Variants in CACNA1I observed in about 807,000 individuals in gnomAD.
CACNA1I encodes the protein voltage-dependent T-type calcium channel subunit alpha-1I.
In CACNA1I, 74 loss-of-function variants were observed where a neutral mutation model predicts 201.6. The ratio of observed to expected loss-of-function variants is 0.37; its 90% CI spans 0.30 to 0.45. CACNA1I has a LOEUF of 0.45. Ranked by LOEUF, CACNA1I falls within the 20% of genes least tolerant of loss-of-function variation. The pLI is 1.00. For synonymous variants in CACNA1I, 1,431 were observed against 1,345.2 expected (o/e 1.06, Z -1.40); for missense variants, 2,346 against 3,138.1 (o/e 0.75, Z 6.03).
chr22:39,603,519 C>T lies in CACNA1I; in HGVS notation c.482+2866C>T, dbSNP rs548327161. On this transcript the variant is annotated intron_variant, in intron 3 of 36. Transcript: ENST00000402142. ...TGTGCCTGTTCTTGTTTTATGGATGCCTGCTCTTGTTTTATGGATGCCTGC... is the reference window on the plus strand; with the variant it reads ...TGTGCCTGTTCTTGTTTTATGGATGTCTGCTCTTGTTTTATGGATGCCTGC... 1.6e-4 allele frequency among the ~76,000 whole-genome samples: 25 copies of T among 151,800 alleles called. 1 individual carries two copies. The highest frequency in any genetic ancestry group is 3.4e-3 in the Middle Eastern group (1 of 294).
intron 4 of CACNA1I, 68 bp downstream of exon 4, chr22:39,619,475 A>C: frequency 8.1e-7 from 1 of 1,241,988 alleles, no homozygotes. Context: ...TCCCTGGCCT[A>C]CCTAGCCAAT....
At chr22:39,669,118 T>C (rs544238868) in intron 24 of CACNA1I, among the ~76,000 whole-genome samples, 83 of 152,220 alleles carry the variant, frequency 5.5e-4, no homozygotes, top group African/African-American at 1.9e-3. Flanking sequence ...GTGTCCAGAC[T>C]GAGGGGGTCA....
intron 1 of CACNA1I, among the ~76,000 whole-genome samples, chr22:39,572,997 G>C (rs997417379): frequency 1.3e-5 from 2 of 152,044 alleles, no homozygotes; most frequent in African/African-American, 4.8e-5. Flanking sequence ...CTCGTGAACC[G>C]CCTGCCTCGG....
rs200793483 is a variant in CACNA1I, at chr22:39,680,946, C to T, written c.5558C>T (p.Thr1853Met). The T allele has an allele frequency of 5.3e-5, 85 of 1,610,786 alleles. No homozygotes were observed. The highest frequency in any genetic ancestry group is 2.2e-5 in the East Asian group (1 of 44,864). Reference sequence around the variant, plus strand: ...TTCCTGCAGGTGCAGCTGGCTGAGACGGAGGCCTTCTCCCTGAACTCAGAC... The same window carrying T: ...TTCCTGCAGGTGCAGCTGGCTGAGATGGAGGCCTTCTCCCTGAACTCAGAC... ...HDKQEVQLAE[T>M]EAFSLNSDRS... is the part of the protein sequence containing the mutation. The change falls in exon 34 of 37, where the codon ACG becomes ATG. Residue 1853 changes from threonine (T) to methionine (M), a missense_variant. Physicochemically the swap from Thr to Met is moderately conservative, Grantham distance 81 (BLOSUM62 -1). Around this residue, in one of 13 missense-constraint regions of CACNA1I, gnomAD observed 441 missense variants for 555.6 expected, o/e 0.79. Coordinates refer to ENST00000402142, the MANE Select transcript of CACNA1I (RefSeq NM_021096.4).
chr22:39,681,785 G>C (rs1935715108), intron 34 of CACNA1I, among the ~76,000 whole-genome samples: 2 of 152,078 alleles, frequency 1.3e-5, no homozygotes, highest in African/African-American at 4.8e-5. Context: ...CTGCCCCCTA[G>C]GCTGGCCCTC....
chr22:39,650,325 A>T (rs145536093), intron 10 of CACNA1I, among the ~76,000 whole-genome samples: 1,823 of 152,098 alleles, frequency 0.012, 42 homozygotes, highest in African/African-American at 0.04. Flanking sequence ...AAAAAAATTT[A>T]AAAAACAGAT....
At position 39,641,189 on chromosome 22, in the gene CACNA1I, C is replaced by T. The variant is rs1934343052; in HGVS notation, c.1056+7C>T. The T allele has an allele frequency of 1.9e-6, 3 of 1,609,214 alleles. No homozygotes were observed. Among genetic ancestry groups the T allele is most frequent in the African/African-American group, 2.7e-5 (2 of 74,890 alleles). On this transcript the variant is annotated splice_region_variant and intron_variant, in intron 6 of 36. Transcript: ENST00000402142. ...TTGGATTGTCATCTTCCAGGTGAGG[C>T]CATTCAGGCCTGGGGCCAGCCTGGT...
At chr22:39,682,697 C>T in intron 35 of CACNA1I, 36 bp downstream of exon 35, 1 of 1,587,356 alleles carries the variant, frequency 6.3e-7, no homozygotes, top group Non-Finnish European at 8.6e-7. Flanking sequence ...CCCCACAGCC[C>T]TCATCTTGGG....
intron 29 of CACNA1I, among the ~76,000 whole-genome samples, chr22:39,674,424 G>C (rs1935462884): frequency 6.6e-6 from 1 of 152,194 alleles, no homozygotes. Context: ...GCCTAGGAAA[G>C]GGGACCTTTG....
chr22:39,578,801 A>G (rs74745334), intron 1 of CACNA1I, among the ~76,000 whole-genome samples: 2,079 of 152,032 alleles, frequency 0.014, 54 homozygotes, highest in African/African-American at 0.048. Context: ...CTCCAGCCCT[A>G]TTCTTCCCGT....
intron 7 of CACNA1I, among the ~76,000 whole-genome samples, chr22:39,643,194 C>A (rs1272609843): frequency 6.6e-6 from 1 of 152,212 alleles, no homozygotes; most frequent in Non-Finnish European, 1.5e-5. Context: ...ACATTCTTTG[C>A]ATGACCTGAG....
At chr22:39,663,697 G>GCCCGCC in intron 18 of CACNA1I, 21 bp from the exon 19 acceptor site, 1 of 1,592,622 alleles carries the variant, frequency 6.3e-7, no homozygotes, top group Non-Finnish European at 8.6e-7. Context: ...CGCTCAGGCA[G>GCCCGCC]CCCCCGCCCA....
rs11705589 is a variant in CACNA1I at position 39,620,146 on chromosome 22, C to T, written c.580+739C>T. ...ATCCACCTGTCCATCCATCCACCCACCCATCCATCCACCCACCCATCCATC... is the reference window on the plus strand; with the variant it reads ...ATCCACCTGTCCATCCATCCACCCATCCATCCATCCACCCACCCATCCATC... On this transcript the variant is annotated intron_variant, in intron 4 of 36. Transcript: ENST00000402142. 3.4e-4 allele frequency among the ~76,000 whole-genome samples: 34 copies of T among 101,482 alleles called. 1 individual carries two copies. Among genetic ancestry groups the T allele is most frequent in the African/African-American group, 9.5e-4 (23 of 24,172 alleles). 66.6% of individuals were successfully genotyped at this position (101,482 alleles called of 152,430 possible).
At chr22:39,675,878 C>T (rs1042384397) in intron 29 of CACNA1I, among the ~76,000 whole-genome samples, 3 of 152,186 alleles carry the variant, frequency 2.0e-5, no homozygotes, top group African/African-American at 7.2e-5. Context: ...ATTGGAAGAT[C>T]AGGCTGGGAG....
chr22:39,591,605 C>T (rs143788418), intron 1 of CACNA1I, among the ~76,000 whole-genome samples: 1,990 of 152,138 alleles, frequency 0.013, 44 homozygotes, highest in African/African-American at 0.045. Context: ...GTCACCCACG[C>T]TGGAGTGCAG....
rs61417992 is a variant in CACNA1I, at chr22:39,634,679, C to T, written c.695C>T (p.Ala232Val). Reference protein sequence around the residue: ...IFGIIGVQLWAGLLRNRCFLE... With the variant: ...IFGIIGVQLWVGLLRNRCFLE... Reference sequence around the variant, plus strand: ...GGCATCATAGGTGTGCAGCTCTGGGCGGGCCTGCTGCGTAACCGCTGCTTC... The same window carrying T: ...GGCATCATAGGTGTGCAGCTCTGGGTGGGCCTGCTGCGTAACCGCTGCTTC... Residue 232 changes from alanine to valine, a missense_variant, in exon 5 of 37, where the codon GCG (alanine) becomes GTG (valine). Ala to Val is a moderately conservative substitution (Grantham distance 64). Transcript: ENST00000402142. The T allele has an allele frequency of 5.0e-6, 8 of 1,613,804 alleles. No homozygotes were observed. Among genetic ancestry groups the T allele is most frequent in the Non-Finnish European group, 5.9e-6 (7 of 1,179,816 alleles).
chr22:39,659,623 C>G lies in CACNA1I; in HGVS notation c.2448+73C>G. 1 of 1,602,278 alleles carries G rather than the reference C, an allele frequency of 6.2e-7. No homozygotes were observed. The highest frequency in any genetic ancestry group is 8.5e-7 in the Non-Finnish European group (1 of 1,169,868). ...GTAGGCCTGGGAGGGGCGGGGCTGA[C>G]AACTCCCATGCCTCCTTGTAGAGCC... On this transcript the variant is annotated intron_variant, in intron 13 of 36. Coordinates refer to ENST00000402142, the MANE Select transcript of CACNA1I (RefSeq NM_021096.4). This position sits in a 1 kb window ranked among gnomAD's most constrained non-coding sequence, Gnocchi z 4.3.
intron 3 of CACNA1I, among the ~76,000 whole-genome samples, chr22:39,606,214 T>C (rs1210127868): frequency 6.6e-6 from 1 of 152,144 alleles, no homozygotes; most frequent in Middle Eastern, 3.2e-3. Flanking sequence ...CTCAGTGAAG[T>C]GTGGGATTGC....
In CACNA1I at chr22:39,686,782, T is replaced by C. The variant is rs1302738510; in HGVS notation, c.*377T>C. 1 of 151,828 alleles carries C rather than the reference T, an allele frequency of 6.6e-6. No homozygotes were observed. Among genetic ancestry groups the C allele is most frequent in the African/African-American group, 2.4e-5 (1 of 41,320 alleles). 9.4% of individuals were successfully genotyped at this position (151,828 alleles called of 1,614,324 possible). On this transcript the variant is annotated 3_prime_UTR_variant, in exon 37 of 37. Coordinates refer to ENST00000402142, the MANE Select transcript of CACNA1I (RefSeq NM_021096.4). ...CCTGGACGGGGCTTTTGTCTGATGC[T>C]CTGGGATTCTGGCCAGACCCACCCC...
Sources: allele counts gnomAD v4.1 joint callset (sites outside exome capture counted in the v4.1 genomes callset), GRCh38; gene constraint gnomAD v4.1.1; regional missense constraint gnomAD v4.1.1; non-coding constraint Gnocchi (gnomAD v3.1); transcripts MANE v1.5; gene names NCBI Gene and HGNC (gene_info 2026-07-23, HGNC 2026-07-21).